PPCDC: variants seen among roughly 807,000 people sequenced by gnomAD.
PPCDC encodes phosphopantothenoylcysteine decarboxylase.
In PPCDC, 20 loss-of-function variants were observed where a neutral mutation model predicts 20.7. The ratio of observed to expected loss-of-function variants is 0.97; its 90% CI spans 0.68 to 1.41. PPCDC has a LOEUF of 1.41. Ranked by LOEUF, PPCDC falls within the 40% of genes most tolerant of loss-of-function variation. The pLI, the probability that PPCDC is intolerant of heterozygous loss-of-function variation, is 0.00. For missense variants in PPCDC, 246 were observed against 263.8 expected, an observed-to-expected ratio of 0.93 and a Z score of 0.47; for synonymous variants, 88 against 100.3, an observed-to-expected ratio of 0.88 and a Z score of 0.73.
chr15:75,029,011 C>T (rs2065990062), intron 2 of PPCDC, among the ~76,000 whole-genome samples: 1 of 152,128 alleles, frequency 6.6e-6, no homozygotes, highest in South Asian at 2.1e-4. Flanking sequence ...GGACTCTAGC[C>T]CCCGTCCTTG....
chr15:75,032,734 C>CG lies in PPCDC; in HGVS notation c.135+4281_135+4282insG, dbSNP rs1555413327. Among the ~76,000 whole-genome samples, 17 of 110,686 alleles carry CG rather than the reference C, an allele frequency of 1.5e-4. No homozygotes were observed. The East Asian group carries it at 2.2e-3, about 14-fold the overall frequency. The allele number at this position is 110,686 out of a possible 152,430, so 72.6% of individuals were successfully genotyped here. A position where few individuals can be genotyped will look rare whatever the true frequency, so the allele number is the denominator to read the frequency against. On this transcript the variant is annotated intron_variant, in intron 2 of 5. Transcript: ENST00000342932. ...GAGCTAGCAAACTGGACCCCCCCCC[C>CG]CAAGGCCAAATTCGGCTCTGCCTGT...
intron 2 of PPCDC, among the ~76,000 whole-genome samples, chr15:75,038,117 A>G (rs1399954143): frequency 2.0e-5 from 3 of 152,192 alleles, no homozygotes; most frequent in African/African-American, 4.8e-5. Flanking sequence ...TTTTCGATTT[A>G]GATGAGGCCT....
intron 2 of PPCDC, among the ~76,000 whole-genome samples, chr15:75,040,775 T>C (rs1325076842): frequency 6.6e-6 from 1 of 152,166 alleles, no homozygotes; most frequent in Non-Finnish European, 1.5e-5. Flanking sequence ...CTCCGCCCAC[T>C]TCAGCTTCCC....
intron 2 of PPCDC, 36 bp downstream of exon 2, chr15:75,028,489 G>T: frequency 6.2e-7 from 1 of 1,613,092 alleles, no homozygotes; most frequent in Non-Finnish European, 8.5e-7. Flanking sequence ...GGCAGCCTCC[G>T]GCATGGGAGG....
intron 4 of PPCDC, chr15:75,044,801 C>T (rs2066208757): frequency 5.2e-5 from 19 of 364,734 alleles, no homozygotes; most frequent in South Asian, 4.7e-4. Flanking sequence ...ACCCTTCTTC[C>T]TTGCTCTTTG....
intron 2 of PPCDC, among the ~76,000 whole-genome samples, chr15:75,041,164 T>A (rs12910659): frequency 1.3e-5 from 2 of 152,208 alleles, no homozygotes; most frequent in Non-Finnish European, 2.9e-5. Flanking sequence ...GCCTTCAGCA[T>A]GGCCCCGCCC....
Position 75,043,518 on chromosome 15 carries a change from C to T in PPCDC, c.213C>T (p.Ser71=), listed in dbSNP as rs762947307. 4.2e-5 allele frequency: 68 copies of T among 1,610,498 alleles called. No homozygotes were observed. The highest frequency in any genetic ancestry group is 2.7e-4 in the South Asian group (24 of 90,324). ...AGGACATTCCTGTCACCCTCTACAG[C>T]GACGCTGATGAATGGGAGGTCAGTG... is the stretch of plus-strand genomic sequence containing the variant. The part of the protein sequence containing the change: ...SPQDIPVTLY[S]DADEWEIWKS... Residue 71 remains serine, a synonymous_variant, in exon 3 of 6, where the codon AGC becomes AGT. Transcript: ENST00000342932.
chr15:75,041,326 A>G (rs12909515), intron 2 of PPCDC, among the ~76,000 whole-genome samples: 128,549 of 152,166 alleles, frequency 0.84, 55,836 homozygotes, highest in Non-Finnish European at 0.95. Flanking sequence ...ATTCAGTGGG[A>G]GTTTGGTTTA....
chr15:75,023,644 GC>G lies in PPCDC; in HGVS notation c.-73+19del, dbSNP rs1401789338. 2 of 152,418 alleles carry G rather than the reference GC, an allele frequency of 1.3e-5. No individual in the cohort carries two copies. The highest frequency in any genetic ancestry group is 6.5e-5 in the Admixed American group (1 of 15,282). 9.4% of individuals were successfully genotyped at this position (152,418 alleles called of 1,614,324 possible). A position where few individuals can be genotyped will look rare whatever the true frequency, so the allele number is the denominator to read the frequency against. On this transcript the variant is annotated intron_variant, in intron 1 of 5. Transcript: ENST00000342932. ...TGGCGCGGGTGAGCAGTGGAAGGGG[GC>G]TGGGAAGCTGGGTTCTCGCGGCGGC... is the stretch of plus-strand genomic sequence containing the variant.
chr15:75,043,714 AG>A, intron 3 of PPCDC, 178 bp downstream of exon 3: 1 of 613,620 alleles, frequency 1.6e-6, no homozygotes, highest in Non-Finnish European at 2.8e-6. Context: ...GGCCTGCAGG[AG>A]GCCCTAGTCT....
intron 1 of PPCDC, 93 bp from the exon 2 acceptor site, chr15:75,028,154 G>A: frequency 1.1e-6 from 1 of 900,480 alleles, no homozygotes; most frequent in South Asian, 1.9e-5. Context: ...CCCTTCCGCT[G>A]CCTCAGCCTC....
At chr15:75,044,815 C>T (rs898493637) in intron 4 of PPCDC, 10 of 333,008 alleles carry the variant, frequency 3.0e-5, no homozygotes, top group Admixed American at 1.9e-4. Context: ...CTCTTTGTCC[C>T]TCCTCGTGGG....
chr15:75,044,804 GCT>G (rs919716675), intron 4 of PPCDC: 3 of 356,912 alleles, frequency 8.4e-6, no homozygotes, highest in African/African-American at 6.4e-5. Context: ...CTTCTTCCTT[GCT>G]CTTTGTCCCT....
intron 1 of PPCDC, among the ~76,000 whole-genome samples, chr15:75,025,612 G>T (rs2065950922): frequency 6.6e-6 from 1 of 152,148 alleles, no homozygotes; most frequent in Non-Finnish European, 1.5e-5. Flanking sequence ...AGTGCCCTGG[G>T]ATCTTGAGGC....
chr15:75,048,714 A>G lies in PPCDC; in HGVS notation c.522A>G (p.Gly174=), dbSNP rs150121004. ...GTGTGGCCAAGAAGCTGGTGTGCGG[A>G]GATGAAGGTGGGTGTCTTGCCAGGC... The part of the protein sequence containing the change: ...IPCVAKKLVC[G]DEGLGAMAEV... Residue 174 remains glycine (G), a synonymous_variant, in exon 5 of 6, where the codon GGA becomes GGG. Transcript: ENST00000342932. 71 of 1,613,832 alleles carry G rather than the reference A, an allele frequency of 4.4e-5. No homozygotes were observed. Among genetic ancestry groups the G allele is most frequent in the Non-Finnish European group, 5.9e-5 (70 of 1,179,898 alleles).
chr15:75,029,403 C>T (rs911317094), intron 2 of PPCDC, among the ~76,000 whole-genome samples: 1 of 152,294 alleles, frequency 6.6e-6, no homozygotes, highest in East Asian at 1.9e-4. Flanking sequence ...CCTGGCTTTT[C>T]CCTCTTGTTA....
intron 2 of PPCDC, among the ~76,000 whole-genome samples, chr15:75,034,106 C>T (rs1464310972): frequency 6.6e-6 from 1 of 152,054 alleles, no homozygotes; most frequent in Non-Finnish European, 1.5e-5. Flanking sequence ...TCTAAATGGC[C>T]CATGCATGGG....
intron 4 of PPCDC, among the ~76,000 whole-genome samples, chr15:75,047,856 G>A (rs1053241012): frequency 2.6e-5 from 4 of 152,218 alleles, no homozygotes; most frequent in South Asian, 2.1e-4. Flanking sequence ...TTCAAAGTCC[G>A]TGGCACAAAG....
In PPCDC at chr15:75,048,703, C is replaced by G. The variant is rs1406131917; in HGVS notation, c.511C>G (p.Leu171Val). Residue 171 changes from leucine to valine, a missense_variant, in exon 5 of 6, where the codon CTG becomes GTG. Leu to Val is a conservative substitution (Grantham distance 32). This residue lies in a region of PPCDC where 225 missense variants were observed against 222.6 expected (regional missense o/e 1.01). Coordinates refer to ENST00000342932, the MANE Select transcript of PPCDC (RefSeq NM_021823.5). The part of the protein sequence containing the change: ...YVEIPCVAKK[L>V]VCGDEGLGAM... The stretch of plus-strand genomic sequence containing the variant: ...CGAGATCCCCTGTGTGGCCAAGAAG[C>G]TGGTGTGCGGAGATGAAGGTGGGTG... 2 of 1,614,024 alleles carry G rather than the reference C, an allele frequency of 1.2e-6. No homozygotes were observed. The highest frequency in any genetic ancestry group is 2.7e-5 in the African/African-American group (2 of 74,934).
Sources: gnomAD v4.1 joint callset for allele counts (sites outside exome capture counted in the v4.1 genomes callset) on GRCh38, gnomAD v4.1.1 for gene constraint, gnomAD v4.1.1 regional missense constraint, MANE v1.5 for transcripts, NCBI Gene and HGNC (gene_info 2026-07-23, HGNC 2026-07-21) for gene names.